The following GALNTL6 variants were observed in gnomAD, a reference collection of about 807,000 sequenced individuals.
The protein encoded by GALNTL6 is polypeptide N-acetylgalactosaminyltransferase like 6, also known as polypeptide N-acetylgalactosaminyltransferase-like 6.
Under a neutral mutation model 73.7 loss-of-function variants are expected in GALNTL6, and 46 were observed. The ratio of observed to expected loss-of-function variants is 0.62; its 90% confidence interval spans 0.49 to 0.80. The LOEUF is 0.80. Among genes scored for constraint, GALNTL6 ranks in the 30% least tolerant of loss-of-function variants. The pLI is 0.00. For missense variants in GALNTL6, 604 were observed against 755.0 expected, an observed-to-expected ratio of 0.80 and a Z score of 2.34; for synonymous variants, 259 against 263.7, an observed-to-expected ratio of 0.98 and a Z score of 0.17.
chr4:172,368,886 G>A lies in GALNTL6; in HGVS notation c.553+20197G>A, dbSNP rs183984708. On this transcript the variant is annotated intron_variant, in intron 5 of 12. Transcript: ENST00000506823. Reference sequence around the variant, plus strand: ...GGAGTTTCTTCCTTCTGGTGGGTTCGTGGTCTCGCTGGCTTCAGGAGTGAA... The same window carrying A: ...GGAGTTTCTTCCTTCTGGTGGGTTCATGGTCTCGCTGGCTTCAGGAGTGAA... Among the ~76,000 whole-genome samples the A allele has an allele frequency of 3.5e-3, 525 of 152,122 alleles. 2 individuals carry two copies. Among genetic ancestry groups the A allele is most frequent in the African/African-American group, 0.012 (487 of 41,508 alleles).
At chr4:172,817,169 T>C (rs1300951250) in intron 7 of GALNTL6, among the ~76,000 whole-genome samples, 3 of 151,156 alleles carry the variant, frequency 2.0e-5, no homozygotes, top group African/African-American at 7.3e-5. Flanking sequence ...CTCACACCTG[T>C]AATCCCAGCA....
rs1311462634 is a variant in GALNTL6, at chr4:172,519,095, T to TAC, written c.553+170407_553+170408insCA. On this transcript the variant is annotated intron_variant, in intron 5 of 12. Transcript: ENST00000506823. ...GAATGTATTTTAGAACTTATATGTA[T>TAC]ATACACACACACACACACATACACC... is the stretch of plus-strand genomic sequence containing the variant. Among the ~76,000 whole-genome samples, 174 of 145,604 alleles carry TAC rather than the reference T, an allele frequency of 1.2e-3. 2 individuals carry two copies. Among genetic ancestry groups the TAC allele is most frequent in the Middle Eastern group, 3.6e-3 (1 of 280 alleles).
intron 5 of GALNTL6, among the ~76,000 whole-genome samples, chr4:172,475,107 A>G (rs1194224175): frequency 1.3e-5 from 2 of 152,216 alleles, no homozygotes; most frequent in Non-Finnish European, 2.9e-5. Flanking sequence ...AGTTAAATCA[A>G]AATGTTGAAA....
In GALNTL6 at chr4:172,087,675, G is replaced by A. The variant is rs547640116; in HGVS notation, c.139-141981G>A. ...TATATACTATTACCTCATGGAAAAA[G>A]GCAGTAATGTATACTTGATTTTTTT... On this transcript the variant is annotated intron_variant, in intron 2 of 12. Coordinates refer to ENST00000506823, the MANE Select transcript of GALNTL6 (RefSeq NM_001034845.3). 1.3e-4 allele frequency among the ~76,000 whole-genome samples: 20 copies of A among 151,118 alleles called. No homozygotes were observed. The South Asian group carries it at 4.2e-3, about 32-fold the overall frequency.
chr4:172,840,837 C>T (rs1743167521), intron 7 of GALNTL6, among the ~76,000 whole-genome samples: 1 of 152,154 alleles, frequency 6.6e-6, no homozygotes, highest in Non-Finnish European at 1.5e-5. Flanking sequence ...AGTGGATATC[C>T]ATTAGCTAAC....
At chr4:172,586,990 T>A (rs529309227) in intron 5 of GALNTL6, among the ~76,000 whole-genome samples, 1 of 152,304 alleles carries the variant, frequency 6.6e-6, no homozygotes, top group East Asian at 1.9e-4. Flanking sequence ...AGCAAAGAAA[T>A]GTATTGATTT....
At chr4:171,903,832 GA>G (rs984725255) in intron 2 of GALNTL6, among the ~76,000 whole-genome samples, 109 of 152,196 alleles carry the variant, frequency 7.2e-4, no homozygotes, top group African/African-American at 2.3e-3. Flanking sequence ...GTGGGTCCCT[GA>G]CCCCTGACCC....
intron 5 of GALNTL6, among the ~76,000 whole-genome samples, chr4:172,558,389 G>T (rs1736223306): frequency 1.3e-5 from 2 of 152,128 alleles, no homozygotes; most frequent in African/African-American, 4.8e-5. Flanking sequence ...TGGAGACAGG[G>T]CCTTTAAAAT....
chr4:172,229,454 T>C (rs1307881810), intron 2 of GALNTL6, among the ~76,000 whole-genome samples: 1 of 152,148 alleles, frequency 6.6e-6, no homozygotes, highest in East Asian at 1.9e-4. Flanking sequence ...AGGAGAGGTG[T>C]GCTCTCATTT....
At chr4:172,030,764 T>C (rs1394121165) in intron 2 of GALNTL6, among the ~76,000 whole-genome samples, 1 of 151,470 alleles carries the variant, frequency 6.6e-6, no homozygotes, top group African/African-American at 2.4e-5. Flanking sequence ...ATATATTATA[T>C]ATGTATGTAT....
intron 5 of GALNTL6, among the ~76,000 whole-genome samples, chr4:172,604,869 C>G (rs1579233723): frequency 6.6e-6 from 1 of 152,306 alleles, no homozygotes; most frequent in East Asian, 1.9e-4. Context: ...ATACATCAGT[C>G]TTCACTAGTG....
At chr4:172,964,876 C>T (rs1345211954) in intron 10 of GALNTL6, among the ~76,000 whole-genome samples, 1 of 152,222 alleles carries the variant, frequency 6.6e-6, no homozygotes, top group African/African-American at 2.4e-5. Flanking sequence ...GCGAGGCTCC[C>T]TCACATTCTT....
intron 2 of GALNTL6, among the ~76,000 whole-genome samples, chr4:172,190,800 T>C (rs2110877482): frequency 6.6e-6 from 1 of 152,378 alleles, no homozygotes. Context: ...TTGTCCACAC[T>C]GTGACGAAGG....
chr4:172,813,631 T>G lies in GALNTL6; in HGVS notation c.831T>G (p.Asp277Glu). The change falls in exon 7 of 13, where the codon GAT becomes GAG. Residue 277 changes from aspartate to glutamate, a missense_variant. Physicochemically the swap from Asp to Glu is conservative, Grantham distance 45. Coordinates refer to ENST00000506823, the MANE Select transcript of GALNTL6 (RefSeq NM_001034845.3). The stretch of plus-strand genomic sequence containing the variant: ...TCGGGTATGAGGCACAAGCTGGGGA[T>G]GCCATGCGAGGAGCCTTCGACTGGG... ...NHFGYEAQAG[D>E]AMRGAFDWEM... 1.9e-6 allele frequency: 3 copies of G among 1,613,606 alleles called. No homozygotes were observed. Among genetic ancestry groups the G allele is most frequent in the Non-Finnish European group, 2.5e-6 (3 of 1,179,678 alleles).
At chr4:172,812,775 G>A (rs951590180) in intron 6 of GALNTL6, among the ~76,000 whole-genome samples, 14 of 152,116 alleles carry the variant, frequency 9.2e-5, no homozygotes, top group African/African-American at 2.9e-4. Context: ...TACCTTTCTC[G>A]TACATAAATT....
At chr4:172,139,246 C>T (rs976727008) in intron 2 of GALNTL6, among the ~76,000 whole-genome samples, 3 of 152,118 alleles carry the variant, frequency 2.0e-5, no homozygotes, top group Non-Finnish European at 4.4e-5. Context: ...GGTGATTGCT[C>T]ACTGTTTATG....
At chr4:172,784,063 A>G (rs1739519211) in intron 5 of GALNTL6, among the ~76,000 whole-genome samples, 1 of 152,102 alleles carries the variant, frequency 6.6e-6, no homozygotes. Flanking sequence ...ATTTTCTTTT[A>G]AGCAATATAA....
intron 5 of GALNTL6, among the ~76,000 whole-genome samples, chr4:172,378,333 C>G (rs1434887082): frequency 6.6e-6 from 1 of 152,158 alleles, no homozygotes; most frequent in East Asian, 1.9e-4. Context: ...GCTTCAGCCT[C>G]TATTTCCATG....
At chr4:172,522,247 T>C (rs1734798878) in intron 5 of GALNTL6, among the ~76,000 whole-genome samples, 1 of 152,218 alleles carries the variant, frequency 6.6e-6, no homozygotes, top group African/African-American at 2.4e-5. Flanking sequence ...GAATTACTTT[T>C]CACAATAAAA....
Sources: gnomAD v4.1 joint callset for allele counts (sites outside exome capture counted in the v4.1 genomes callset) on GRCh38, gnomAD v4.1.1 for gene constraint, MANE v1.5 for transcripts, NCBI Gene and HGNC (gene_info 2026-07-23, HGNC 2026-07-21) for gene names.